LRRC15: variants seen among roughly 807,000 people sequenced by gnomAD.
The protein encoded by LRRC15 is leucine-rich repeat-containing protein 15.
Under a neutral mutation model 4.3 loss-of-function variants are expected in LRRC15, and 5 were observed. The observed-to-expected ratio is 1.16, with a 90% CI of 0.61 to 2.44. The LOEUF is 2.44. Among genes scored for constraint, LRRC15 ranks in the 30% most tolerant of loss-of-function variants. The probability of loss-of-function intolerance (pLI) is 0.01; values close to 1 mark genes in which losing one functional copy is unlikely to be tolerated. For synonymous variants in LRRC15, 337 were observed against 323.2 expected, an observed-to-expected ratio of 1.04 and a Z score of -0.46; for missense variants, 769 against 747.0, an observed-to-expected ratio of 1.03 and a Z score of -0.34.
At position 194,359,002 on chromosome 3, in the gene LRRC15, G is replaced by A. The variant is rs528528852; in HGVS notation, c.*296C>T. 8.4e-5 allele frequency: 25 copies of A among 299,090 alleles called. 1 individual carries two copies. The South Asian group carries it at 1.8e-3, about 22-fold the overall frequency. 18.5% of individuals were successfully genotyped at this position (299,090 alleles called of 1,614,324 possible). A position where few individuals can be genotyped will look rare whatever the true frequency, so the allele number is the denominator to read the frequency against. On this transcript the variant is annotated 3_prime_UTR_variant, in exon 2 of 2. Coordinates refer to ENST00000347624, the MANE Select transcript of LRRC15 (RefSeq NM_130830.5). ...AGGGAAGGCTGTTCTTGGAGGACAG[G>A]TGGGGAGGATTTGGAGGAAGAGCCC...
Position 194,360,528 on chromosome 3 carries a change from C to G in LRRC15, c.516G>C (p.Leu172=), listed in dbSNP as rs76941472. The G allele has an allele frequency of 1.9e-6, 3 of 1,614,080 alleles. No homozygotes were observed. The highest frequency in any genetic ancestry group is 2.7e-5 in the African/African-American group (2 of 74,996). Residue 172 remains leucine (L), a synonymous_variant, in exon 2 of 2, where the codon CTG becomes CTC. Coordinates refer to ENST00000347624, the MANE Select transcript of LRRC15 (RefSeq NM_130830.5). ...CCAGATTGAGCTTCGTGAGTCCTAC[C>G]AGGTGGTCGAAGGCTCCGTCAGGGA... ...EYIPDGAFDH[L]VGLTKLNLGK... is the part of the protein sequence containing the mutation.
chr3:194,361,755 C>G (rs545367681), intron 1 of LRRC15, among the ~76,000 whole-genome samples: 8 of 152,216 alleles, frequency 5.3e-5, no homozygotes, highest in Non-Finnish European at 1.2e-4. Context: ...TCCTCACCCT[C>G]GCCTGGGCCT....
At chr3:194,364,922 G>C (rs909967428) in intron 1 of LRRC15, among the ~76,000 whole-genome samples, 2 of 152,248 alleles carry the variant, frequency 1.3e-5, no homozygotes, top group African/African-American at 2.4e-5. Flanking sequence ...AGGGGCCACA[G>C]AACCAGGACT....
chr3:194,369,052 C>T (rs1369153749), intron 1 of LRRC15, among the ~76,000 whole-genome samples: 3 of 152,222 alleles, frequency 2.0e-5, no homozygotes, highest in East Asian at 1.9e-4. Flanking sequence ...AGCCCATGTC[C>T]GAATTCCAAA....
Position 194,359,697 on chromosome 3 carries a change from A to C in LRRC15, c.1347T>G (p.Thr449=), listed in dbSNP as rs1461351268. 1 of 1,614,212 alleles carries C rather than the reference A, an allele frequency of 6.2e-7. No homozygotes were observed. Among genetic ancestry groups the C allele is most frequent in the South Asian group, 1.1e-5 (1 of 91,074 alleles). Residue 449 remains threonine, a synonymous_variant, in exon 2 of 2, where the codon ACT becomes ACG. Coordinates refer to ENST00000347624, the MANE Select transcript of LRRC15 (RefSeq NM_130830.5). Reference sequence around the variant, plus strand: ...TGGCTGGGCTGAAACACACAGGTACAGTGTCCGTCCCTAACCTAGGCTGGT... The same window carrying C: ...TGGCTGGGCTGAAACACACAGGTACCGTGTCCGTCCCTAACCTAGGCTGGT... ...LLNQPRLGTD[T]VPVCFSPANV...
rs1226666340 is a variant in LRRC15 at position 194,359,724 on chromosome 3, G to A, written c.1320C>T (p.Leu440=). The change falls in exon 2 of 2, where the codon CTC becomes CTT. Residue 440 remains leucine (L), a synonymous_variant. Transcript: ENST00000347624. ...DILPLRNWLL[L]NQPRLGTDTV... Reference sequence around the variant, plus strand: ...TGTCCGTCCCTAACCTAGGCTGGTTGAGCAGGAGCCAGTTGCGGAGCGGAA... The same window carrying A: ...TGTCCGTCCCTAACCTAGGCTGGTTAAGCAGGAGCCAGTTGCGGAGCGGAA... 6.2e-7 allele frequency: 1 copy of A among 1,614,182 alleles called. No individual in the cohort carries two copies. Among genetic ancestry groups the A allele is most frequent in the Non-Finnish European group, 8.5e-7 (1 of 1,180,028 alleles).
Position 194,360,192 on chromosome 3 carries a change from G to A in LRRC15, c.852C>T (p.Leu284=), listed in dbSNP as rs138700906. 1.8e-4 allele frequency: 284 copies of A among 1,613,866 alleles called. 2 individuals carry two copies. The African/African-American group carries it at 3.4e-3, about 20-fold the overall frequency. The change falls in exon 2 of 2, where the codon CTC becomes CTT. Residue 284 remains leucine (L), a synonymous_variant. Transcript: ENST00000347624. ...LTLFGNSLKE[L]SPGIFGPMPN... ...GCATGGGCCCGAAGATCCCCGGAGA[G>A]AGCTCCTTCAGGGAATTCCCAAAGA...
chr3:194,363,013 C>G (rs57786933), intron 1 of LRRC15, among the ~76,000 whole-genome samples: 9,008 of 147,718 alleles, frequency 0.061, 920 homozygotes, highest in African/African-American at 0.21. Flanking sequence ...ATGATCTCTG[C>G]TCACTGCAAA....
Position 194,360,284 on chromosome 3 carries a change from T to C in LRRC15, c.760A>G (p.Asn254Asp). 3 of 1,614,076 alleles carry C rather than the reference T, an allele frequency of 1.9e-6. No homozygotes were observed. Among genetic ancestry groups the C allele is most frequent in the Non-Finnish European group, 2.5e-6 (3 of 1,179,978 alleles). ...NHNLQRLYLSNNHISQLPPSV... is the reference protein window; with the variant it reads ...NHNLQRLYLSDNHISQLPPSV... Reference sequence around the variant, plus strand: ...GGTGGCAGCTGGGAGATGTGGTTGTTGGACAGGTAGAGTCTCTGGAGGTTG... The same window carrying C: ...GGTGGCAGCTGGGAGATGTGGTTGTCGGACAGGTAGAGTCTCTGGAGGTTG... The change falls in exon 2 of 2, where the codon AAC (asparagine) becomes GAC (aspartate). Residue 254 changes from asparagine to aspartate, a missense_variant. Transcript: ENST00000347624.
At chr3:194,363,174 C>T (rs1359861419) in intron 1 of LRRC15, among the ~76,000 whole-genome samples, 1 of 152,042 alleles carries the variant, frequency 6.6e-6, no homozygotes, top group African/African-American at 2.4e-5. Flanking sequence ...CTCCTGACCT[C>T]GTGATCTGCC....
At position 194,357,144 on chromosome 3, in the gene LRRC15, G is replaced by T. The variant is rs35910541; in HGVS notation, c.*2154C>A. On this transcript the variant is annotated 3_prime_UTR_variant, in exon 2 of 2. Coordinates refer to ENST00000347624, the MANE Select transcript of LRRC15 (RefSeq NM_130830.5). ...CAAAGTGCACTAGTGTTTGCAAACAGCCCTCTGGACACTTTTTGTGCAGGA... is the reference window on the plus strand; with the variant it reads ...CAAAGTGCACTAGTGTTTGCAAACATCCCTCTGGACACTTTTTGTGCAGGA... 15,029 of 152,310 alleles carry T rather than the reference G, an allele frequency of 0.099. 839 individuals are homozygous for T. The highest frequency in any genetic ancestry group is 0.11 in the African/African-American group (4,442 of 41,544). The allele number at this position is 152,310 out of a possible 1,614,324, so 9.4% of individuals were successfully genotyped here. A position where few individuals can be genotyped will look rare whatever the true frequency, so the allele number is the denominator to read the frequency against.
Position 194,361,867 on chromosome 3 carries a change from G to A in LRRC15, c.-3-821C>T, listed in dbSNP as rs575489661. Among the ~76,000 whole-genome samples the A allele has an allele frequency of 9.2e-5, 14 of 152,298 alleles. No homozygotes were observed. In the South Asian group the frequency reaches 2.9e-3, roughly 32 times the overall value. ...ATTCAAACCACCCTCCCAGGAAAAG[G>A]CAATGACGTGTCTGCACCATGTCCT... On this transcript the variant is annotated intron_variant, in intron 1 of 1. Transcript: ENST00000347624.
At chr3:194,362,952 T>C (rs945902522) in intron 1 of LRRC15, among the ~76,000 whole-genome samples, 8 of 148,008 alleles carry the variant, frequency 5.4e-5, no homozygotes, top group Admixed American at 4.0e-4. Context: ...TTTTTTTTTT[T>C]TTTTTTTGAG....
chr3:194,369,241 A>G (rs1294443845), intron 1 of LRRC15, among the ~76,000 whole-genome samples: 1 of 152,282 alleles, frequency 6.6e-6, no homozygotes, highest in Non-Finnish European at 1.5e-5. Flanking sequence ...GAAAGATGGC[A>G]CAGGCGCAAA....
chr3:194,358,956 GC>G lies in LRRC15; in HGVS notation c.*341del, dbSNP rs1435588540. The G allele has an allele frequency of 4.2e-6, 1 of 236,768 alleles. No individual in the cohort carries two copies. The highest frequency in any genetic ancestry group is 8.2e-6 in the Non-Finnish European group (1 of 121,404). 14.7% of individuals were successfully genotyped at this position (236,768 alleles called of 1,614,324 possible). ...CTGTGGACTAACTGAGTCTACAGAG[GC>G]CCGGAGGGGGCCTGGGCGCAGGGAA... is the stretch of plus-strand genomic sequence containing the variant. On this transcript the variant is annotated 3_prime_UTR_variant, in exon 2 of 2. Transcript: ENST00000347624.
Position 194,360,410 on chromosome 3 carries a change from T to C in LRRC15, c.634A>G (p.Ile212Val). 1 of 1,614,168 alleles carries C rather than the reference T, an allele frequency of 6.2e-7. No individual in the cohort carries two copies. The highest frequency in any genetic ancestry group is 8.5e-7 in the Non-Finnish European group (1 of 1,180,030). The change falls in exon 2 of 2, where the codon ATC (isoleucine) becomes GTC (valine). Residue 212 changes from isoleucine (I) to valine (V), a missense_variant. By Grantham distance (29) the Ile-to-Val change is conservative. Transcript: ENST00000347624. ...AGCCCATCAAAAGTGCCCATGGGGA[T>C]ATCCGTGAGCCTGTTCTCATACAGC... Reference protein sequence around the residue: ...LRLYENRLTDIPMGTFDGLVN... With the variant: ...LRLYENRLTDVPMGTFDGLVN...
rs1378759153 is a variant in LRRC15, at chr3:194,355,635, T to A, written c.*3663A>T. 1.3e-5 allele frequency: 2 copies of A among 152,178 alleles called. No individual in the cohort carries two copies. The highest frequency in any genetic ancestry group is 4.8e-5 in the African/African-American group (2 of 41,436). 9.4% of individuals were successfully genotyped at this position (152,178 alleles called of 1,614,324 possible). On this transcript the variant is annotated 3_prime_UTR_variant, in exon 2 of 2. Transcript: ENST00000347624. Reference sequence around the variant, plus strand: ...CGCAGATTCAGTTCTGACTGTGGGATCTGGGGGCTGAATCTTTGAGTGGTT... The same window carrying A: ...CGCAGATTCAGTTCTGACTGTGGGAACTGGGGGCTGAATCTTTGAGTGGTT...
intron 1 of LRRC15, among the ~76,000 whole-genome samples, chr3:194,363,028 A>T (rs1346208503): frequency 7.3e-6 from 1 of 137,708 alleles, no homozygotes; most frequent in Non-Finnish European, 1.5e-5. Context: ...TGCAAACTCC[A>T]CCTCCCAGGT....
In LRRC15 at chr3:194,359,289, C is replaced by A. The variant is rs777210375; in HGVS notation, c.*9G>T. 1.9e-6 allele frequency: 3 copies of A among 1,544,814 alleles called. No individual in the cohort carries two copies. The highest frequency in any genetic ancestry group is 2.5e-5 in the South Asian group (2 of 79,176). ...CCATCATTCCCCAGCCCTGCTCCAG[C>A]CTGCCTCTTTAACACTCATTGGGTG... On this transcript the variant is annotated 3_prime_UTR_variant, in exon 2 of 2. Transcript: ENST00000347624.
Sources: gnomAD v4.1 joint callset for allele counts (sites outside exome capture counted in the v4.1 genomes callset) on GRCh38, gnomAD v4.1.1 for gene constraint, MANE v1.5 for transcripts, NCBI Gene and HGNC (gene_info 2026-07-23, HGNC 2026-07-21) for gene names.